Variants in LARGE1 observed in about 807,000 individuals in gnomAD.
LARGE1 encodes the protein xylosyl- and glucuronyltransferase LARGE1.
LARGE1 carries 43 observed loss-of-function variants against 87.6 expected under a neutral mutation model. The ratio of observed to expected loss-of-function variants is 0.49; its 90% confidence interval spans 0.38 to 0.63. The LOEUF (loss-of-function observed/expected upper bound fraction) is 0.63, where lower values mean the gene tolerates loss of function less well. Among genes scored for constraint, LARGE1 ranks in the 30% least tolerant of loss-of-function variants. The pLI is 0.00. For missense variants in LARGE1, 802 were observed against 1,000.2 expected (o/e 0.80, Z 2.67); for synonymous variants, 434 against 394.6 (o/e 1.10, Z -1.18).
intron 6 of LARGE1, among the ~76,000 whole-genome samples, chr22:33,504,773 T>G (rs1180187496): frequency 6.6e-6 from 1 of 152,202 alleles, no homozygotes; most frequent in African/African-American, 2.4e-5. Context: ...AGCATTAGTC[T>G]CACAGTTGCT....
At chr22:33,555,547 C>A (rs550726829) in intron 6 of LARGE1, among the ~76,000 whole-genome samples, 1 of 152,240 alleles carries the variant, frequency 6.6e-6, no homozygotes, top group African/African-American at 2.4e-5. Context: ...GGTAGCAAGA[C>A]AGGGAATGAT....
chr22:33,594,681 A>C (rs764975062), intron 5 of LARGE1, among the ~76,000 whole-genome samples: 9 of 152,150 alleles, frequency 5.9e-5, no homozygotes, highest in Non-Finnish European at 1.2e-4. Context: ...ATCTCAGCTC[A>C]CTGCAACCTC....
At chr22:33,387,898 A>T (rs547928489) in intron 7 of LARGE1, among the ~76,000 whole-genome samples, 20 of 152,346 alleles carry the variant, frequency 1.3e-4, no homozygotes, top group African/African-American at 4.8e-4. Flanking sequence ...TTTACTGTTA[A>T]AAAATTAAAG....
intron 11 of LARGE1, among the ~76,000 whole-genome samples, chr22:33,256,405 C>T (rs751726887): frequency 2.0e-5 from 3 of 152,320 alleles, no homozygotes; most frequent in Non-Finnish European, 4.4e-5. Context: ...ACTTAAACCT[C>T]CCGCTCTGCC....
chr22:33,648,425 G>C (rs752641100), intron 3 of LARGE1, among the ~76,000 whole-genome samples: 1 of 151,930 alleles, frequency 6.6e-6, no homozygotes, highest in Non-Finnish European at 1.5e-5. Flanking sequence ...TGTCATAATA[G>C]TGTAAATACG....
chr22:33,550,050 ATTAG>A (rs1052519619), intron 6 of LARGE1, among the ~76,000 whole-genome samples: 27 of 152,042 alleles, frequency 1.8e-4, no homozygotes, highest in Admixed American at 1.8e-3. Context: ...AATGTAAATG[ATTAG>A]TTAATGGGTG....
chr22:33,435,601 C>T (rs2067241429), intron 6 of LARGE1, among the ~76,000 whole-genome samples: 3 of 152,120 alleles, frequency 2.0e-5, no homozygotes, highest in South Asian at 2.1e-4. Context: ...ACTCAGGCAC[C>T]CGCTCCCCTG....
chr22:33,809,925 T>C (rs1254528545), intron 1 of LARGE1, among the ~76,000 whole-genome samples: 2 of 151,728 alleles, frequency 1.3e-5, no homozygotes, highest in East Asian at 1.9e-4. Context: ...ACTTTTTAGA[T>C]GTAATAAAGA....
rs147751382 is a variant in LARGE1 at position 33,275,543 on chromosome 22, A to G, written c.2074-919T>C. Among the ~76,000 whole-genome samples, 11 of 152,280 alleles carry G rather than the reference A, an allele frequency of 7.2e-5. No individual in the cohort carries two copies. In the East Asian group the frequency reaches 2.1e-3, roughly 29 times the overall value. On this transcript the variant is annotated intron_variant, in intron 14 of 14. Coordinates refer to ENST00000397394, the MANE Select transcript of LARGE1 (RefSeq NM_133642.5). Reference sequence around the variant, plus strand: ...GAGAAAAACCATCAAAAGAAAATGCAAGATCTCCCAGAGCTGAACTGTCTG... The same window carrying G: ...GAGAAAAACCATCAAAAGAAAATGCGAGATCTCCCAGAGCTGAACTGTCTG...
At chr22:33,708,019 CA>C (rs1378373662) in intron 2 of LARGE1, among the ~76,000 whole-genome samples, 1 of 152,096 alleles carries the variant, frequency 6.6e-6, no homozygotes, top group Non-Finnish European at 1.5e-5. Context: ...GACACTTGAC[CA>C]GGCTGACGAT....
At chr22:33,299,553 C>T (rs1294562902) in intron 12 of LARGE1, among the ~76,000 whole-genome samples, 2 of 151,948 alleles carry the variant, frequency 1.3e-5, no homozygotes, top group South Asian at 2.1e-4. Flanking sequence ...CAGAAGGTGG[C>T]AGAGTTTGCA....
intron 6 of LARGE1, among the ~76,000 whole-genome samples, chr22:33,538,855 C>T (rs1252979901): frequency 2.6e-5 from 4 of 152,184 alleles, no homozygotes; most frequent in African/African-American, 9.7e-5. Flanking sequence ...TGCTGAATTT[C>T]AGAATGCTTA....
intron 2 of LARGE1, among the ~76,000 whole-genome samples, chr22:33,689,145 G>GTC (rs3072287): frequency 2.3e-3 from 344 of 147,580 alleles, no homozygotes; most frequent in African/African-American, 3.1e-3. Context: ...CAAATTTACT[G>GTC]TCTCTCTCTC....
the LARGE1 span, among the ~76,000 whole-genome samples, chr22:33,095,165 C>T: frequency 2.6e-5 from 4 of 152,200 alleles, no homozygotes; most frequent in Non-Finnish European, 5.9e-5. Flanking sequence ...CAAATTACCA[C>T]AAAGTGGCTT....
intron 7 of LARGE1, among the ~76,000 whole-genome samples, chr22:33,394,007 G>A (rs1322603897): frequency 6.6e-6 from 1 of 151,200 alleles, no homozygotes; most frequent in Non-Finnish European, 1.5e-5. Flanking sequence ...AGAAAAGTAG[G>A]TATCTGTGCA....
intron 3 of LARGE1, among the ~76,000 whole-genome samples, chr22:33,632,271 C>T (rs556898476): frequency 4.6e-5 from 7 of 152,270 alleles, no homozygotes; most frequent in East Asian, 3.9e-4. Flanking sequence ...TACAGGCATG[C>T]GGCCATCATG....
chr22:33,411,152 C>G (rs1037121937), intron 7 of LARGE1, among the ~76,000 whole-genome samples: 1 of 152,200 alleles, frequency 6.6e-6, no homozygotes, highest in African/African-American at 2.4e-5. Context: ...GAGAAAACCC[C>G]TGACCTTGTA....
intron 6 of LARGE1, among the ~76,000 whole-genome samples, chr22:33,471,592 T>C (rs1016430739): frequency 1.3e-5 from 2 of 152,112 alleles, no homozygotes; most frequent in Admixed American, 1.3e-4. Context: ...AATGCCAATA[T>C]GGACCATGCT....
intron 1 of LARGE1, among the ~76,000 whole-genome samples, chr22:33,908,238 T>C (rs2065514729): frequency 1.3e-5 from 2 of 152,168 alleles, no homozygotes; most frequent in Admixed American, 1.3e-4. Flanking sequence ...GAAGATCCCC[T>C]GAGATGCAGT....
Sources: gnomAD v4.1 joint callset for allele counts (sites outside exome capture counted in the v4.1 genomes callset) on GRCh38, gnomAD v4.1.1 for gene constraint, MANE v1.5 for transcripts, NCBI Gene and HGNC (gene_info 2026-07-23, HGNC 2026-07-21) for gene names.